Variants in C8orf34 observed in about 807,000 individuals in gnomAD.
C8orf34 encodes the protein uncharacterized protein C8orf34.
A neutral mutation model predicts 68.3 loss-of-function variants in C8orf34; 65 were observed. The ratio of observed to expected loss-of-function variants is 0.95; its 90% CI spans 0.78 to 1.17. C8orf34 has a LOEUF of 1.17. Among genes scored for constraint, C8orf34 ranks in the 50% most tolerant of loss-of-function variants. The pLI, the probability that C8orf34 is intolerant of heterozygous loss-of-function variation, is 0.00. For synonymous variants in C8orf34, 244 were observed against 241.2 expected, an observed-to-expected ratio of 1.01 and a Z score of -0.11; for missense variants, 664 against 655.4, an observed-to-expected ratio of 1.01 and a Z score of -0.14.
rs766733958 is a variant in C8orf34 at position 68,501,004 on chromosome 8, AC to A, written c.765+12955del. On this transcript the variant is annotated intron_variant, in intron 5 of 13. Coordinates refer to ENST00000518698, the MANE Select transcript of C8orf34 (RefSeq NM_052958.4). ...CCATCTGTCCAAATGATCTTGAAGA[AC>A]CTGTGCAACTGAAATGTGGATATGC... Among the ~76,000 whole-genome samples the A allele has an allele frequency of 6.7e-4, 102 of 152,308 alleles. 1 individual carries two copies. The Middle Eastern group carries it at 0.02, about 30-fold the overall frequency.
At chr8:68,503,989 A>T (rs1322998710) in intron 5 of C8orf34, among the ~76,000 whole-genome samples, 5 of 152,162 alleles carry the variant, frequency 3.3e-5, no homozygotes, top group Non-Finnish European at 7.4e-5. Context: ...AGTTTTTAGG[A>T]TATTCACAGA....
At chr8:68,546,496 C>T (rs1016843222) in intron 7 of C8orf34, among the ~76,000 whole-genome samples, 2 of 151,050 alleles carry the variant, frequency 1.3e-5, no homozygotes, top group African/African-American at 4.9e-5. Flanking sequence ...AAAGTAAAAA[C>T]TGACAAAACT....
intron 7 of C8orf34, among the ~76,000 whole-genome samples, chr8:68,616,445 A>G (rs374729597): frequency 6.6e-6 from 1 of 152,004 alleles, no homozygotes; most frequent in Non-Finnish European, 1.5e-5. Flanking sequence ...AAATTTCCCT[A>G]TACACACTGC....
rs74702620 is a variant in C8orf34, at chr8:68,509,934, G to A, written c.766-11865G>A. Among the ~76,000 whole-genome samples the A allele has an allele frequency of 6.0e-3, 917 of 152,142 alleles. 55 individuals carry two copies. The East Asian group carries it at 0.15, about 25-fold the overall frequency. ...CATACATCCTATCTCCCCTGCTGTC[G>A]GTAGGCTCAAATTTCCTAGGACTCA... is the stretch of plus-strand genomic sequence containing the variant. On this transcript the variant is annotated intron_variant, in intron 5 of 13. Coordinates refer to ENST00000518698, the MANE Select transcript of C8orf34 (RefSeq NM_052958.4).
intron 1 of C8orf34, among the ~76,000 whole-genome samples, chr8:68,429,798 A>G (rs1314730552): frequency 6.6e-6 from 1 of 152,216 alleles, no homozygotes; most frequent in Non-Finnish European, 1.5e-5. Context: ...AGATTTAGGT[A>G]ATAGATATTG....
chr8:68,784,508 C>T (rs1023386155), intron 11 of C8orf34, among the ~76,000 whole-genome samples: 1 of 152,122 alleles, frequency 6.6e-6, no homozygotes, highest in Non-Finnish European at 1.5e-5. Context: ...TAAACACAGC[C>T]CACACTTAAA....
At chr8:68,699,814 C>T (rs1326634152) in intron 8 of C8orf34, among the ~76,000 whole-genome samples, 1 of 152,042 alleles carries the variant, frequency 6.6e-6, no homozygotes, top group Non-Finnish European at 1.5e-5. Flanking sequence ...ATGTCTGCCA[C>T]CATGCATATA....
intron 10 of C8orf34, among the ~76,000 whole-genome samples, chr8:68,759,982 G>A (rs1585841448): frequency 6.6e-6 from 1 of 152,210 alleles, no homozygotes; most frequent in Non-Finnish European, 1.5e-5. Context: ...ATGAACAGAT[G>A]TTTGTGAGAG....
chr8:68,737,582 C>T (rs1822157841), intron 10 of C8orf34, among the ~76,000 whole-genome samples: 1 of 151,638 alleles, frequency 6.6e-6, no homozygotes, highest in Non-Finnish European at 1.5e-5. Flanking sequence ...GAAAAATCTA[C>T]CAAACAAATG....
chr8:68,769,701 C>T (rs1004401377), intron 10 of C8orf34, among the ~76,000 whole-genome samples: 3 of 152,110 alleles, frequency 2.0e-5, no homozygotes, highest in African/African-American at 7.2e-5. Context: ...CTGTGTACAT[C>T]CAGAGTCAGC....
At chr8:68,687,266 A>G (rs1820547941) in intron 8 of C8orf34, among the ~76,000 whole-genome samples, 1 of 152,060 alleles carries the variant, frequency 6.6e-6, no homozygotes, top group Non-Finnish European at 1.5e-5. Context: ...AAAAATCCTA[A>G]AATTTATATG....
At chr8:68,731,794 T>C (rs1351432344) in intron 10 of C8orf34, among the ~76,000 whole-genome samples, 1 of 152,248 alleles carries the variant, frequency 6.6e-6, no homozygotes, top group Admixed American at 6.5e-5. Flanking sequence ...AGTTTAAGAC[T>C]TTAATTTTGG....
chr8:68,346,660 G>C (rs750729109), intron 1 of C8orf34, among the ~76,000 whole-genome samples: 13 of 151,740 alleles, frequency 8.6e-5, no homozygotes, highest in Admixed American at 5.3e-4. Flanking sequence ...CCATATTTTT[G>C]CCTTTTCTCA....
chr8:68,745,058 GA>G (rs1211558543), intron 10 of C8orf34, among the ~76,000 whole-genome samples: 11 of 152,166 alleles, frequency 7.2e-5, no homozygotes, highest in African/African-American at 2.7e-4. Flanking sequence ...CTACAAGCCA[GA>G]AGAGAGTGGG....
intron 1 of C8orf34, among the ~76,000 whole-genome samples, chr8:68,402,547 T>C (rs1444164212): frequency 6.6e-6 from 1 of 152,180 alleles, no homozygotes; most frequent in Non-Finnish European, 1.5e-5. Flanking sequence ...TTTAATGTGA[T>C]AAACTTCCCT....
intron 7 of C8orf34, among the ~76,000 whole-genome samples, chr8:68,563,649 G>C (rs1406513301): frequency 6.6e-6 from 1 of 151,104 alleles, no homozygotes; most frequent in African/African-American, 2.4e-5. Flanking sequence ...GCTTGAAAGA[G>C]TTAAGATTAA....
At chr8:68,696,698 C>T (rs965666195) in intron 8 of C8orf34, among the ~76,000 whole-genome samples, 3 of 152,072 alleles carry the variant, frequency 2.0e-5, no homozygotes, top group Non-Finnish European at 2.9e-5. Flanking sequence ...CTTTACCAAG[C>T]TGCTACATAA....
chr8:68,623,236 A>T (rs1818439051), intron 7 of C8orf34, among the ~76,000 whole-genome samples: 2 of 152,284 alleles, frequency 1.3e-5, no homozygotes, highest in South Asian at 2.1e-4. Context: ...TACACTCTTT[A>T]TTGTCTTATA....
intron 12 of C8orf34, among the ~76,000 whole-genome samples, chr8:68,788,207 G>A (rs1217358519): frequency 2.6e-5 from 4 of 152,106 alleles, no homozygotes; most frequent in African/African-American, 9.7e-5. Flanking sequence ...ACAATTGTAT[G>A]TGATAATGTA....
Sources: allele counts gnomAD v4.1 joint callset (sites outside exome capture counted in the v4.1 genomes callset), GRCh38; gene constraint gnomAD v4.1.1; transcripts MANE v1.5; gene names NCBI Gene and HGNC (gene_info 2026-07-23, HGNC 2026-07-21).